Variants in RP1 observed in about 807,000 individuals in gnomAD.
The protein encoded by RP1 is RP1 axonemal microtubule associated, also known as oxygen-regulated protein 1.
RP1 carries 16 observed loss-of-function variants against 14.8 expected under a neutral mutation model. The observed-to-expected ratio is 1.08, with a 90% CI of 0.73 to 1.65. The LOEUF (loss-of-function observed/expected upper bound fraction) is 1.65, where lower values mean the gene tolerates loss of function less well. Among genes scored for constraint, RP1 ranks in the 40% most tolerant of loss-of-function variants. The pLI, the probability that RP1 is intolerant of heterozygous loss-of-function variation, is 0.00. For missense variants in RP1, 2,631 were observed against 2,535.0 expected (o/e 1.04, Z -0.81); for synonymous variants, 876 against 883.6 (o/e 0.99, Z 0.15).
At chr8:54,866,766 A>G (rs1029203954) in intron 28 of RP1, among the ~76,000 whole-genome samples, 4 of 152,180 alleles carry the variant, frequency 2.6e-5, no homozygotes, top group African/African-American at 9.6e-5. Flanking sequence ...ACATGGGAAC[A>G]TGGGAAATGT....
At chr8:54,590,488 A>G (rs1805021634) in intron 1 of RP1, among the ~76,000 whole-genome samples, 1 of 152,138 alleles carries the variant, frequency 6.6e-6, no homozygotes. Context: ...CTTTCCTTAG[A>G]GTGCCCCCTC....
rs1804820134 is a variant in RP1 at position 54,582,510 on chromosome 8, T to C, written c.-13+23190T>C. The stretch of plus-strand genomic sequence containing the variant: ...GGCTCTTTTTTGGTTCCATATGAAC[T>C]TAAAAGTAGTTTTTTCCAATTCTGT... On this transcript the variant is annotated intron_variant, in intron 1 of 22. Coordinates refer to the RP1 transcript ENST00000636932. 2.6e-5 allele frequency among the ~76,000 whole-genome samples: 4 copies of C among 151,026 alleles called. No individual in the cohort carries two copies. In the South Asian group the frequency reaches 8.4e-4, roughly 32 times the overall value.
intron 1 of RP1, among the ~76,000 whole-genome samples, chr8:54,594,458 A>G (rs1443965724): frequency 3.3e-5 from 5 of 152,230 alleles, no homozygotes; most frequent in Non-Finnish European, 2.9e-5. Context: ...ACCTTTTGTT[A>G]GAAGCACATT....
At chr8:54,585,368 T>C (rs1172417864) in intron 1 of RP1, among the ~76,000 whole-genome samples, 1 of 152,246 alleles carries the variant, frequency 6.6e-6, no homozygotes, top group Non-Finnish European at 1.5e-5. Flanking sequence ...AGAGAGCAGC[T>C]GTTAGCCTGA....
intron 3 of RP1, among the ~76,000 whole-genome samples, chr8:54,643,421 C>G (rs1250648176): frequency 2.6e-5 from 4 of 152,106 alleles, no homozygotes; most frequent in African/African-American, 9.7e-5. Flanking sequence ...ATAAGCTTGC[C>G]TTTTTCTAGC....
At position 54,623,484 on chromosome 8, in the gene RP1, T is replaced by A. The variant is rs1805937445; in HGVS notation, c.788-1186T>A. ...TTGCTAACAGGATTTTTTTTTTTTC[T>A]TTTTGAGATGGGGTCTCACTATGTT... On this transcript the variant is annotated intron_variant, in intron 3 of 3. Transcript: ENST00000220676. Among the ~76,000 whole-genome samples, 4 of 152,072 alleles carry A rather than the reference T, an allele frequency of 2.6e-5. No homozygotes were observed. The South Asian group carries it at 8.3e-4, about 32-fold the overall frequency.
At chr8:54,580,106 C>T (rs997550758) in intron 1 of RP1, among the ~76,000 whole-genome samples, 5 of 151,654 alleles carry the variant, frequency 3.3e-5, no homozygotes, top group African/African-American at 4.8e-5. Context: ...CACATTCAAC[C>T]GGCTTGAAGC....
At chr8:54,732,840 C>CAGCT (rs1225507921) in intron 17 of RP1, among the ~76,000 whole-genome samples, 1 of 152,148 alleles carries the variant, frequency 6.6e-6, no homozygotes, top group Admixed American at 6.5e-5. Flanking sequence ...ATTTCTGGGT[C>CAGCT]AGCTACTTCT....
At chr8:54,728,948 A>C (rs898589314) in intron 17 of RP1, among the ~76,000 whole-genome samples, 1 of 152,120 alleles carries the variant, frequency 6.6e-6, no homozygotes, top group Non-Finnish European at 1.5e-5. Context: ...ATGCCCTACA[A>C]TGTCCTCATT....
At chr8:54,638,132 A>T (rs540766335) in intron 3 of RP1, among the ~76,000 whole-genome samples, 1 of 152,240 alleles carries the variant, frequency 6.6e-6, no homozygotes, top group Admixed American at 6.5e-5. Flanking sequence ...AGGTGGAGAA[A>T]ATTCTCTTAT....
At chr8:54,664,997 G>A (rs1383653904) in intron 7 of RP1, among the ~76,000 whole-genome samples, 1 of 151,952 alleles carries the variant, frequency 6.6e-6, no homozygotes, top group African/African-American at 2.4e-5. Flanking sequence ...AATAAAAGTT[G>A]AAAAAGAAAA....
chr8:54,629,287 C>G lies in RP1; in HGVS notation c.5405C>G (p.Ser1802Cys). 6.2e-7 allele frequency: 1 copy of G among 1,613,704 alleles called. No individual in the cohort carries two copies. The highest frequency in any genetic ancestry group is 8.5e-7 in the Non-Finnish European group (1 of 1,179,772). ...GGCCCAACGATGGATGAACTCTCCT[C>G]TTCAGAACTCGAGGAACTGACTCAA... is the stretch of plus-strand genomic sequence containing the variant. ...APGPTMDELS[S>C]SELEELTQPL... The change falls in exon 4 of 4, where the codon TCT (serine) becomes TGT (cysteine). Residue 1802 changes from serine (S) to cysteine (C), a missense_variant. Transcript: ENST00000220676.
downstream of RP1, among the ~76,000 whole-genome samples, chr8:54,770,781 T>A (rs951322066): frequency 6.6e-6 from 1 of 151,752 alleles, no homozygotes; most frequent in Non-Finnish European, 1.5e-5. Flanking sequence ...TTGTACTTTT[T>A]AAAAAACTTA....
At chr8:54,722,944 G>T (rs1563357917) in intron 16 of RP1, among the ~76,000 whole-genome samples, 1 of 152,148 alleles carries the variant, frequency 6.6e-6, no homozygotes, top group African/African-American at 2.4e-5. Flanking sequence ...AGCCTACAAC[G>T]AGGGCAGTCT....
downstream of RP1, among the ~76,000 whole-genome samples, chr8:54,631,919 G>A (rs995975831): frequency 3.3e-5 from 5 of 151,498 alleles, no homozygotes; most frequent in South Asian, 6.2e-4. Context: ...TCGGCTCACC[G>A]CAACCCCTGC....
chr8:54,582,106 G>A (rs1048177860), intron 1 of RP1, among the ~76,000 whole-genome samples: 5 of 152,118 alleles, frequency 3.3e-5, no homozygotes, highest in African/African-American at 1.2e-4. Context: ...GTATTGCCTA[G>A]GTTTTCTTCT....
At chr8:54,829,417 GA>G (rs1775679014) in intron 24 of RP1, among the ~76,000 whole-genome samples, 1 of 151,980 alleles carries the variant, frequency 6.6e-6, no homozygotes, top group Non-Finnish European at 1.5e-5. Context: ...GATGAAACCA[GA>G]AAATAAAAGC....
At chr8:54,618,203 G>A (rs62514615) in intron 1 of RP1, among the ~76,000 whole-genome samples, 1 of 152,178 alleles carries the variant, frequency 6.6e-6, no homozygotes, top group Non-Finnish European at 1.5e-5. Flanking sequence ...ATCTTCCCAG[G>A]TCATGGTACC....
exon 27 of RP1, chr8:54,857,031 G>A (rs1812219632): frequency 1.8e-6 from 2 of 1,142,618 alleles, no homozygotes; most frequent in Admixed American, 4.3e-5. Flanking sequence ...TGTACAGGTT[G>A]ATATTTTTTC....
Sources: gnomAD v4.1 joint callset for allele counts (sites outside exome capture counted in the v4.1 genomes callset) on GRCh38, gnomAD v4.1.1 for gene constraint, MANE v1.5 for transcripts, NCBI Gene and HGNC (gene_info 2026-07-23, HGNC 2026-07-21) for gene names.